Variants in CFC1B observed in about 807,000 individuals in gnomAD.
The protein encoded by CFC1B is cryptic, EGF-CFC family member 1B.
At chr2:130,524,898 T>G (rs1379129743) in intron 5 of CFC1B, among the ~76,000 whole-genome samples, 1 of 1,478 alleles carries the variant, frequency 6.8e-4, no homozygotes, top group African/African-American at 7.2e-4. Context: ...TTATCCCATT[T>G]AACTCTTATG....
chr2:130,521,743 G>A (rs1372076985), intron 1 of CFC1B, 70 bp from the exon 2 acceptor site: 29 of 2,120 alleles, frequency 0.014, no homozygotes, highest in Admixed American at 0.062. Context: ...GTATTTTTAT[G>A]TGTATGTGAA....
intron 5 of CFC1B, among the ~76,000 whole-genome samples, chr2:130,526,420 A>C (rs1684399139): frequency 7.0e-5 from 1 of 14,372 alleles, no homozygotes; most frequent in African/African-American, 8.6e-5. Flanking sequence ...GAATAGCTTC[A>C]CATGCTGTGA....
rs1482510694 is a variant in CFC1B at position 130,524,256 on chromosome 2, CT to C, written c.472+979del. Among the ~76,000 whole-genome samples, 59 of 41,050 alleles carry C rather than the reference CT, an allele frequency of 1.4e-3. 25 individuals carry two copies. Among genetic ancestry groups the C allele is most frequent in the African/African-American group, 3.3e-3 (59 of 17,712 alleles). The allele number at this position is 41,050 out of a possible 152,430, so 26.9% of individuals were successfully genotyped here. A position where few individuals can be genotyped will look rare whatever the true frequency, so the allele number is the denominator to read the frequency against. Reference sequence around the variant, plus strand: ...GCCAGCAGGGAAGAGCACTCCCCCCCTGCCGTGCAGACCACATTTTCCCAAA... The same window carrying C: ...GCCAGCAGGGAAGAGCACTCCCCCCCGCCGTGCAGACCACATTTTCCCAAA... On this transcript the variant is annotated intron_variant, in intron 5 of 5. Coordinates refer to ENST00000281882, the MANE Select transcript of CFC1B (RefSeq NM_001079530.2).
At chr2:130,526,466 T>C (rs1684399534) in intron 5 of CFC1B, 1 of 24,936 alleles carries the variant, frequency 4.0e-5, no homozygotes, top group Non-Finnish European at 2.2e-4. Flanking sequence ...TGGAGCCTCG[T>C]CTGAGCCTAG....
intron 5 of CFC1B, chr2:130,526,553 T>C (rs1241677905): frequency 8.6e-5 from 2 of 23,262 alleles, no homozygotes; most frequent in Non-Finnish European, 2.4e-4. Flanking sequence ...TATGGGGAGG[T>C]GGCACCCAAG....
intron 5 of CFC1B, chr2:130,526,590 G>A (rs542195467): frequency 6.6e-4 from 4 of 6,052 alleles, no homozygotes; most frequent in African/African-American, 7.2e-4. Context: ...CCTGGCCAAT[G>A]CTACCACAGC....
chr2:130,526,544 A>G lies in CFC1B; in HGVS notation c.473-1152A>G, dbSNP rs1684400034. The G allele has an allele frequency of 7.8e-5, 2 of 25,736 alleles. 1 individual carries two copies. Among genetic ancestry groups the G allele is most frequent in the Non-Finnish European group, 4.0e-4 (2 of 4,982 alleles). 1.6% of individuals were successfully genotyped at this position (25,736 alleles called of 1,614,324 possible). ...ATCCTCTCTCCCAAGGTGGGGTGCT[A>G]TGGGGAGGTGGCACCCAAGCCTGGA... On this transcript the variant is annotated intron_variant, in intron 5 of 5. Coordinates refer to ENST00000281882, the MANE Select transcript of CFC1B (RefSeq NM_001079530.2).
rs1252233782 is a variant in CFC1B at position 130,525,023 on chromosome 2, C to CT, written c.472+1758dup. Among the ~76,000 whole-genome samples the CT allele has an allele frequency of 0.011, 64 of 5,732 alleles. 18 individuals carry two copies. In the Non-Finnish European group the frequency reaches 0.15, roughly 14 times the overall value. The allele number at this position is 5,732 out of a possible 152,430, so 3.8% of individuals were successfully genotyped here. On this transcript the variant is annotated intron_variant, in intron 5 of 5. Coordinates refer to ENST00000281882, the MANE Select transcript of CFC1B (RefSeq NM_001079530.2). Reference sequence around the variant, plus strand: ...CTTTACCTTGTGCCATTCCTGTAGTCTTTTTTTTTTTTTGAGATGGAGTCT... The same window carrying CT: ...CTTTACCTTGTGCCATTCCTGTAGTCTTTTTTTTTTTTTTGAGATGGAGTCT...
intron 5 of CFC1B, among the ~76,000 whole-genome samples, chr2:130,525,346 AGAGT>A: frequency 6.2e-5 from 1 of 16,116 alleles, no homozygotes; most frequent in African/African-American, 6.7e-5. Context: ...TCTTTCTATA[AGAGT>A]AATTATCAAT....
chr2:130,525,035 T>C (rs1371461264), intron 5 of CFC1B, among the ~76,000 whole-genome samples: 2 of 6,530 alleles, frequency 3.1e-4, no homozygotes, highest in African/African-American at 3.3e-4. Flanking sequence ...TTTTTTTTTT[T>C]TGAGATGGAG....
intron 5 of CFC1B, chr2:130,526,500 T>C (rs1213401154): frequency 6.5e-4 from 17 of 26,118 alleles, no homozygotes; most frequent in African/African-American, 9.1e-4. Flanking sequence ...TGTTTGGGGA[T>C]TCTGGCACCC....
intron 5 of CFC1B, among the ~76,000 whole-genome samples, chr2:130,526,405 C>T (rs1314281742): frequency 7.3e-4 from 4 of 5,482 alleles, no homozygotes; most frequent in Admixed American, 3.8e-3. Flanking sequence ...ACCCCTTTCT[C>T]ACCTGAATAG....
At chr2:130,526,432 C>T (rs1294083731) in intron 5 of CFC1B, among the ~76,000 whole-genome samples, 4 of 19,310 alleles carry the variant, frequency 2.1e-4, no homozygotes, top group African/African-American at 2.7e-4. Context: ...ATGCTGTGAG[C>T]GCCTGTCTTA....
chr2:130,526,709 TCTC>T (rs1414907956), intron 5 of CFC1B: 1 of 4,630 alleles, frequency 2.2e-4, no homozygotes, highest in African/African-American at 2.3e-4. Flanking sequence ...CCAGAGGACA[TCTC>T]CTGGAGGTAT....
chr2:130,525,045 G>A lies in CFC1B; in HGVS notation c.472+1767G>A, dbSNP rs1373183620. Among the ~76,000 whole-genome samples the A allele has an allele frequency of 8.0e-4, 5 of 6,244 alleles. 2 individuals carry two copies. The highest frequency in any genetic ancestry group is 5.3e-3 in the Admixed American group (2 of 376). The allele number at this position is 6,244 out of a possible 152,430, so 4.1% of individuals were successfully genotyped here. On this transcript the variant is annotated intron_variant, in intron 5 of 5. Coordinates refer to ENST00000281882, the MANE Select transcript of CFC1B (RefSeq NM_001079530.2). ...AGTCTTTTTTTTTTTTTGAGATGGA[G>A]TCTCACTCTGTCGCCCGGGCTGGGG...
intron 5 of CFC1B, among the ~76,000 whole-genome samples, chr2:130,526,415 G>T: frequency 8.1e-5 from 1 of 12,314 alleles, no homozygotes; most frequent in Non-Finnish European, 9.5e-4. Context: ...CACCTGAATA[G>T]CTTCACATGC....
chr2:130,524,260 C>T lies in CFC1B; in HGVS notation c.472+982C>T, dbSNP rs200683152. 5.4e-3 allele frequency among the ~76,000 whole-genome samples: 220 copies of T among 40,898 alleles called. 31 individuals are homozygous for T. The highest frequency in any genetic ancestry group is 0.026 in the Middle Eastern group (2 of 76). The allele number at this position is 40,898 out of a possible 152,430, so 26.8% of individuals were successfully genotyped here. On this transcript the variant is annotated intron_variant, in intron 5 of 5. Transcript: ENST00000281882. ...GCAGGGAAGAGCACTCCCCCCCTGC[C>T]GTGCAGACCACATTTTCCCAAAGCA...
In CFC1B at chr2:130,522,047, C is replaced by T. The variant is rs1684374296; in HGVS notation, c.164C>T (p.Ser55Phe). Reference sequence around the variant, plus strand: ...CGACAGTCACCGCTCAACTGGACCTCCAGTCATTTCGGAGAGGTGACTGGG... The same window carrying T: ...CGACAGTCACCGCTCAACTGGACCTTCAGTCATTTCGGAGAGGTGACTGGG... ...KHRQSPLNWT[S>F]SHFGEVTGSA... is the part of the protein sequence containing the mutation. Residue 55 changes from serine (S) to phenylalanine (F), a missense_variant, in exon 3 of 6, where the codon TCC becomes TTC. Coordinates refer to ENST00000281882, the MANE Select transcript of CFC1B (RefSeq NM_001079530.2). 5.3e-5 allele frequency: 1 copy of T among 18,962 alleles called. No homozygotes were observed. Among genetic ancestry groups the T allele is most frequent in the African/African-American group, 7.3e-5 (1 of 13,700 alleles). The allele number at this position is 18,962 out of a possible 1,614,324, so 1.2% of individuals were successfully genotyped here.
chr2:130,526,423 T>C (rs1232574891), intron 5 of CFC1B, among the ~76,000 whole-genome samples: 29 of 16,072 alleles, frequency 1.8e-3, no homozygotes, highest in African/African-American at 2.2e-3. Flanking sequence ...TAGCTTCACA[T>C]GCTGTGAGCG....
Sources: allele counts gnomAD v4.1 joint callset (sites outside exome capture counted in the v4.1 genomes callset), GRCh38; gene constraint gnomAD v4.1.1; transcripts MANE v1.5; gene names NCBI Gene and HGNC (gene_info 2026-07-23, HGNC 2026-07-21).